The following MRTFB variants were observed in gnomAD, a reference collection of about 807,000 sequenced individuals.
MRTFB encodes the protein myocardin related transcription factor B, also known as myocardin-related transcription factor B.
Under a neutral mutation model 104.2 loss-of-function variants are expected in MRTFB, and 29 were observed. That is an observed-to-expected ratio of 0.28 (90% CI 0.21 to 0.38). The LOEUF (loss-of-function observed/expected upper bound fraction) is 0.38. MRTFB is among the 10% of genes least tolerant of loss of function. The probability of loss-of-function intolerance (pLI) is 1.00; values close to 1 mark genes in which losing one functional copy is unlikely to be tolerated. For synonymous variants in MRTFB, 535 were observed against 519.5 expected, an observed-to-expected ratio of 1.03 and a Z score of -0.41; for missense variants, 1,270 against 1,341.6, an observed-to-expected ratio of 0.95 and a Z score of 0.83.
chr16:14,101,693 G>C (rs1404314507), intron 2 of MRTFB, among the ~76,000 whole-genome samples: 3 of 152,138 alleles, frequency 2.0e-5, no homozygotes, highest in Non-Finnish European at 4.4e-5. Context: ...AGGAAAACTT[G>C]GGGGTAGAGT....
chr16:14,035,698 T>C, the MRTFB span, among the ~76,000 whole-genome samples: 3 of 152,048 alleles, frequency 2.0e-5, no homozygotes, highest in Non-Finnish European at 4.4e-5. Context: ...AGTTCTTTCT[T>C]TTAAAAAAAA....
At chr16:14,237,039 T>C (rs2042547399) in intron 9 of MRTFB, among the ~76,000 whole-genome samples, 1 of 152,186 alleles carries the variant, frequency 6.6e-6, no homozygotes, top group Non-Finnish European at 1.5e-5. Context: ...CCACGTCCTG[T>C]AATGGAAAGG....
At chr16:14,181,997 C>G (rs1004015553) in intron 3 of MRTFB, among the ~76,000 whole-genome samples, 27 of 152,184 alleles carry the variant, frequency 1.8e-4, no homozygotes, top group African/African-American at 6.3e-4. Flanking sequence ...GCAGATTTAT[C>G]ATAGCAGAAG....
intron 8 of MRTFB, among the ~76,000 whole-genome samples, chr16:14,228,229 A>T (rs2042096873): frequency 6.6e-6 from 1 of 152,192 alleles, no homozygotes; most frequent in Non-Finnish European, 1.5e-5. Context: ...GTCCTCAAAA[A>T]ATTAAACTAG....
chr16:14,230,371 GCAACCTACT>G (rs2042203416), intron 8 of MRTFB, among the ~76,000 whole-genome samples: 1 of 151,558 alleles, frequency 6.6e-6, no homozygotes. Context: ...GAAAATTTTC[GCAACCTACT>G]CATCTGACAA....
At chr16:14,226,981 T>TA (rs71150169) in intron 8 of MRTFB, among the ~76,000 whole-genome samples, 6 of 150,506 alleles carry the variant, frequency 4.0e-5, no homozygotes, top group South Asian at 2.1e-4. Context: ...ACCTGTCTCT[T>TA]AAAAAAAAAA....
At chr16:14,230,568 C>G (rs1344826418) in intron 8 of MRTFB, among the ~76,000 whole-genome samples, 2 of 152,162 alleles carry the variant, frequency 1.3e-5, no homozygotes, top group South Asian at 4.2e-4. Flanking sequence ...AAATGCAAAT[C>G]AAAACCACAA....
intron 3 of MRTFB, among the ~76,000 whole-genome samples, chr16:14,178,249 G>T (rs1368280327): frequency 1.3e-5 from 2 of 152,130 alleles, no homozygotes; most frequent in African/African-American, 4.8e-5. Flanking sequence ...TAGCATTTAT[G>T]TCTGAAGATC....
chr16:14,124,379 C>A (rs1167958795), intron 2 of MRTFB, among the ~76,000 whole-genome samples: 1 of 152,086 alleles, frequency 6.6e-6, no homozygotes, highest in Admixed American at 6.6e-5. Context: ...TTTGCCCATT[C>A]GGTATGATAT....
chr16:14,078,594 A>T (rs114103455), intron 1 of MRTFB, among the ~76,000 whole-genome samples: 17 of 140,728 alleles, frequency 1.2e-4, no homozygotes, highest in African/African-American at 4.4e-4. Flanking sequence ...CTCCTGGCAA[A>T]TTTTTTTTTT....
In MRTFB at chr16:14,189,202, G is replaced by A. The variant is rs538913267; in HGVS notation, c.155-21041G>A. 2.8e-4 allele frequency among the ~76,000 whole-genome samples: 42 copies of A among 152,286 alleles called. 1 individual carries two copies. In the South Asian group the frequency reaches 8.5e-3, roughly 31 times the overall value. Reference sequence around the variant, plus strand: ...TAGAATGGAAAAAATAAAAATTATAGAAAGGCACTTTTAAAATTTGGAGTC... The same window carrying A: ...TAGAATGGAAAAAATAAAAATTATAAAAAGGCACTTTTAAAATTTGGAGTC... On this transcript the variant is annotated intron_variant, in intron 3 of 16. Coordinates refer to ENST00000571589, the MANE Select transcript of MRTFB (RefSeq NM_001308142.2).
intron 2 of MRTFB, among the ~76,000 whole-genome samples, chr16:14,081,881 A>G (rs2034435745): frequency 6.6e-6 from 1 of 152,102 alleles, no homozygotes; most frequent in African/African-American, 2.4e-5. Context: ...ACCTTTGTCC[A>G]TTTTTTAATT....
chr16:14,038,764 T>C, the MRTFB span, among the ~76,000 whole-genome samples: 1 of 152,180 alleles, frequency 6.6e-6, no homozygotes, highest in Non-Finnish European at 1.5e-5. Flanking sequence ...CATGGTTGTA[T>C]TAGTCAGTTC....
chr16:14,244,537 A>C (rs964771426), intron 10 of MRTFB, among the ~76,000 whole-genome samples: 1 of 152,230 alleles, frequency 6.6e-6, no homozygotes, highest in Non-Finnish European at 1.5e-5. Context: ...CTCTGCCAGC[A>C]GTGTGTGATT....
At chr16:14,204,340 A>G (rs2040847999) in intron 3 of MRTFB, among the ~76,000 whole-genome samples, 1 of 152,156 alleles carries the variant, frequency 6.6e-6, no homozygotes, top group Non-Finnish European at 1.5e-5. Context: ...TAAACCATTT[A>G]AGAAGCAGGG....
chr16:14,049,766 T>C, the MRTFB span, among the ~76,000 whole-genome samples: 1 of 152,230 alleles, frequency 6.6e-6, no homozygotes, highest in Non-Finnish European at 1.5e-5. Context: ...GGAGTGTCAC[T>C]CTTGTTGCCA....
intron 8 of MRTFB, among the ~76,000 whole-genome samples, chr16:14,232,498 G>A (rs1354305193): frequency 6.6e-6 from 1 of 152,214 alleles, no homozygotes; most frequent in African/African-American, 2.4e-5. Flanking sequence ...CATTCTCTTA[G>A]ATGAGCCCTT....
intron 3 of MRTFB, among the ~76,000 whole-genome samples, chr16:14,208,917 T>C (rs1255179457): frequency 6.6e-6 from 1 of 152,208 alleles, no homozygotes; most frequent in African/African-American, 2.4e-5. Flanking sequence ...TGTCAGTTGC[T>C]TCAGTTCTAA....
At chr16:14,131,285 CAA>C (rs2037426018) in intron 2 of MRTFB, among the ~76,000 whole-genome samples, 1 of 152,104 alleles carries the variant, frequency 6.6e-6, no homozygotes. Flanking sequence ...GTGGGTGAGG[CAA>C]TCACAATCTC....
Sources: gnomAD v4.1 joint callset for allele counts (sites outside exome capture counted in the v4.1 genomes callset) on GRCh38, gnomAD v4.1.1 for gene constraint, MANE v1.5 for transcripts, NCBI Gene and HGNC (gene_info 2026-07-23, HGNC 2026-07-21) for gene names.